Variants in FNBP1L observed in about 807,000 individuals in gnomAD.
FNBP1L encodes the protein formin binding protein 1 like.
FNBP1L carries 36 observed loss-of-function variants against 91.2 expected under a neutral mutation model. The ratio of observed to expected loss-of-function variants is 0.39; its 90% CI spans 0.30 to 0.52. The LOEUF is 0.52. Ranked by LOEUF, FNBP1L falls within the 20% of genes least tolerant of loss-of-function variation. FNBP1L has a pLI of 0.66. For synonymous variants in FNBP1L, 242 were observed against 237.0 expected (o/e 1.02, Z -0.19); for missense variants, 571 against 732.1 (o/e 0.78, Z 2.54).
chr1:93,551,119 T>C lies in FNBP1L; in HGVS notation c.1810+14T>C, dbSNP rs538601951. 74 of 1,592,886 alleles carry C rather than the reference T, an allele frequency of 4.6e-5. No individual in the cohort carries two copies. Among genetic ancestry groups the C allele is most frequent in the Admixed American group, 1.6e-4 (9 of 56,892 alleles). On this transcript the variant is annotated intron_variant, in intron 16 of 16. Transcript: ENST00000271234. Reference sequence around the variant, plus strand: ...AAAACAGTAAAGGTGCAGTAACTTATATCTAAACTAACCAGGCACCTTTGT... The same window carrying C: ...AAAACAGTAAAGGTGCAGTAACTTACATCTAAACTAACCAGGCACCTTTGT...
At chr1:93,549,229 A>T in intron 14 of FNBP1L, 49 bp from the exon 15 acceptor site, 1 of 1,450,280 alleles carries the variant, frequency 6.9e-7, no homozygotes, top group Non-Finnish European at 9.4e-7. Flanking sequence ...TAATATATAG[A>T]ATTCTCATGT....
At chr1:93,503,582 TTGA>T (rs1670507789) in intron 2 of FNBP1L, among the ~76,000 whole-genome samples, 2 of 152,316 alleles carry the variant, frequency 1.3e-5, no homozygotes, top group South Asian at 4.1e-4. Context: ...ATTCTGGTGT[TTGA>T]TATTGATTTT....
In FNBP1L at chr1:93,505,363, A is replaced by C. The variant is rs1670575443; in HGVS notation, c.140+5780A>C. Among the ~76,000 whole-genome samples, 4 of 152,292 alleles carry C rather than the reference A, an allele frequency of 2.6e-5. No individual in the cohort carries two copies. The South Asian group carries it at 8.3e-4, about 32-fold the overall frequency. Reference sequence around the variant, plus strand: ...AGGAGACAGGGTCATTTATAACCTGAGGCATCCACCCTACTGCTGTGTCCA... The same window carrying C: ...AGGAGACAGGGTCATTTATAACCTGCGGCATCCACCCTACTGCTGTGTCCA... On this transcript the variant is annotated intron_variant, in intron 2 of 16. Transcript: ENST00000271234.
intron 2 of FNBP1L, among the ~76,000 whole-genome samples, chr1:93,511,915 G>A (rs1290434224): frequency 1.0e-4 from 14 of 134,464 alleles, no homozygotes; most frequent in Admixed American, 2.5e-4. Context: ...GCAGTGAGCC[G>A]AGATCCCGCC....
chr1:93,528,929 A>G (rs1671581230), intron 5 of FNBP1L, among the ~76,000 whole-genome samples: 1 of 152,174 alleles, frequency 6.6e-6, no homozygotes, highest in African/African-American at 2.4e-5. Context: ...AAAATGTAAT[A>G]TGACATATAT....
At chr1:93,495,631 T>G (rs1358462209) in intron 1 of FNBP1L, among the ~76,000 whole-genome samples, 1 of 152,230 alleles carries the variant, frequency 6.6e-6, no homozygotes, top group Non-Finnish European at 1.5e-5. Context: ...GCTATTTATC[T>G]TCTGGCTGTT....
At chr1:93,463,414 G>A (rs562013730) in intron 1 of FNBP1L, among the ~76,000 whole-genome samples, 2 of 152,248 alleles carry the variant, frequency 1.3e-5, no homozygotes, top group South Asian at 4.1e-4. Context: ...ATGCTCCTTA[G>A]GATGGGGTTG....
intron 2 of FNBP1L, among the ~76,000 whole-genome samples, chr1:93,513,342 A>G (rs1397891130): frequency 5.3e-5 from 8 of 151,968 alleles, no homozygotes; most frequent in East Asian, 1.9e-4. Context: ...CCAGAGGTAC[A>G]AGGAGGAACT....
At chr1:93,498,565 T>C (rs1381930141) in intron 1 of FNBP1L, among the ~76,000 whole-genome samples, 3 of 152,102 alleles carry the variant, frequency 2.0e-5, no homozygotes, top group Admixed American at 2.0e-4. Flanking sequence ...AAACCACAAG[T>C]GATTTTAAAA....
At position 93,496,825 on chromosome 1, in the gene FNBP1L, C is replaced by G. The variant is rs966154223; in HGVS notation, c.25-2643C>G. ...GGATTATAGGCATGAGCCACTGTACCTGGCCTAAATGTTAATTTCATCTAA... is the reference window on the plus strand; with the variant it reads ...GGATTATAGGCATGAGCCACTGTACGTGGCCTAAATGTTAATTTCATCTAA... On this transcript the variant is annotated intron_variant, in intron 1 of 16. Coordinates refer to ENST00000271234, the MANE Select transcript of FNBP1L (RefSeq NM_001164473.3). Among the ~76,000 whole-genome samples, 4 of 152,312 alleles carry G rather than the reference C, an allele frequency of 2.6e-5. 1 individual carries two copies. The South Asian group carries it at 8.3e-4, about 32-fold the overall frequency.
At chr1:93,449,661 C>T (rs1434048283) in intron 1 of FNBP1L, among the ~76,000 whole-genome samples, 1 of 152,198 alleles carries the variant, frequency 6.6e-6, no homozygotes, top group African/African-American at 2.4e-5. Context: ...TCTGAAAACA[C>T]ACCACCCAAG....
At chr1:93,486,428 A>G (rs1295789484) in intron 1 of FNBP1L, among the ~76,000 whole-genome samples, 2 of 151,670 alleles carry the variant, frequency 1.3e-5, no homozygotes, top group East Asian at 3.9e-4. Flanking sequence ...TGGGTAAAAT[A>G]TGGCTCTGTA....
At chr1:93,466,699 T>G (rs1669091793) in intron 1 of FNBP1L, among the ~76,000 whole-genome samples, 1 of 152,180 alleles carries the variant, frequency 6.6e-6, no homozygotes, top group South Asian at 2.1e-4. Context: ...TTTTTTTGGT[T>G]CCATATGAAC....
At chr1:93,490,164 A>G (rs1670046671) in intron 1 of FNBP1L, among the ~76,000 whole-genome samples, 1 of 9,758 alleles carries the variant, frequency 1.0e-4, no homozygotes, top group African/African-American at 1.1e-4. Context: ...GATACATAAA[A>G]TAGTTTTTTT....
Position 93,534,859 on chromosome 1 carries a change from C to G in FNBP1L, c.941C>G (p.Thr314Arg). ...AGTGGGAAGATGGATGCCAAAACCACAGTAGGAAAGGCCAAGGGCAAATTG... is the reference window on the plus strand; with the variant it reads ...AGTGGGAAGATGGATGCCAAAACCAGAGTAGGAAAGGCCAAGGGCAAATTG... The part of the protein sequence containing the change: ...QESGKMDAKT[T>R]VGKAKGKLWL... The change falls in exon 9 of 17, where the codon ACA becomes AGA. Residue 314 changes from threonine to arginine, a missense_variant. Thr to Arg is a moderately conservative substitution (Grantham distance 71, BLOSUM62 -1). This residue lies in a region of FNBP1L where 150 missense variants were observed against 155.9 expected (regional missense o/e 0.96). Coordinates refer to ENST00000271234, the MANE Select transcript of FNBP1L (RefSeq NM_001164473.3). 1 of 1,580,584 alleles carries G rather than the reference C, an allele frequency of 6.3e-7. No individual in the cohort carries two copies. The highest frequency in any genetic ancestry group is 8.6e-7 in the Non-Finnish European group (1 of 1,162,164).
At chr1:93,524,762 G>GA (rs1384227239) in intron 5 of FNBP1L, among the ~76,000 whole-genome samples, 1 of 151,546 alleles carries the variant, frequency 6.6e-6, no homozygotes, top group Non-Finnish European at 1.5e-5. Flanking sequence ...TTTAGCATGT[G>GA]AAAAATGAAG....
chr1:93,511,744 A>G (rs1670851940), intron 2 of FNBP1L, among the ~76,000 whole-genome samples: 1 of 152,222 alleles, frequency 6.6e-6, no homozygotes, highest in Admixed American at 6.5e-5. Flanking sequence ...AGGCGGGCGG[A>G]TCACGAGGTC....
intron 2 of FNBP1L, among the ~76,000 whole-genome samples, chr1:93,517,101 A>C (rs1031598822): frequency 3.4e-5 from 5 of 147,906 alleles, no homozygotes; most frequent in African/African-American, 1.3e-4. Flanking sequence ...GTGCAGTGGC[A>C]CAATCTCAGC....
chr1:93,498,643 G>T (rs184919854), intron 1 of FNBP1L, among the ~76,000 whole-genome samples: 1 of 152,274 alleles, frequency 6.6e-6, no homozygotes, highest in Admixed American at 6.5e-5. Flanking sequence ...ATATAAGAGG[G>T]GGAGACAGCA....
Sources: gnomAD v4.1 joint callset for allele counts (sites outside exome capture counted in the v4.1 genomes callset) on GRCh38, gnomAD v4.1.1 for gene constraint, gnomAD v4.1.1 regional missense constraint, MANE v1.5 for transcripts, NCBI Gene and HGNC (gene_info 2026-07-23, HGNC 2026-07-21) for gene names.